Variants in CPNE4 observed in about 807,000 individuals in gnomAD.
The protein encoded by CPNE4 is copine-4.
Under a neutral mutation model 67.9 loss-of-function variants are expected in CPNE4, and 25 were observed. That is an observed-to-expected ratio of 0.37 (90% CI 0.27 to 0.51). The LOEUF (loss-of-function observed/expected upper bound fraction) is 0.51. Ranked by LOEUF, CPNE4 falls within the 20% of genes least tolerant of loss-of-function variation. The probability of loss-of-function intolerance (pLI) is 0.93; values close to 1 mark genes in which losing one functional copy is unlikely to be tolerated. For missense variants in CPNE4, 464 were observed against 690.8 expected (o/e 0.67, Z 3.68); for synonymous variants, 242 against 244.9 (o/e 0.99, Z 0.11).
At chr3:131,737,115 C>CTTTTTTT (rs71788145) in intron 2 of CPNE4, among the ~76,000 whole-genome samples, 8 of 49,398 alleles carry the variant, frequency 1.6e-4, no homozygotes, top group Admixed American at 3.0e-4. Flanking sequence ...AGTATTGTGT[C>CTTTTTTT]TTTTTTTTTT....
chr3:131,900,987 A>G (rs1417905967), intron 2 of CPNE4, among the ~76,000 whole-genome samples: 2 of 152,150 alleles, frequency 1.3e-5, no homozygotes, highest in Admixed American at 1.3e-4. Context: ...AATTGAATTA[A>G]TGGTGATTGA....
intron 2 of CPNE4, among the ~76,000 whole-genome samples, chr3:131,769,427 T>A (rs181810861): frequency 9.9e-4 from 151 of 152,216 alleles, no homozygotes; most frequent in Non-Finnish European, 1.7e-3. Context: ...GCAGACAAGA[T>A]GGCTACCAGC....
intron 6 of CPNE4, among the ~76,000 whole-genome samples, chr3:131,683,134 G>A (rs544127706): frequency 6.6e-6 from 1 of 152,152 alleles, no homozygotes; most frequent in Non-Finnish European, 1.5e-5. Context: ...CTATCTCACT[G>A]TGGCTGAGCT....
intron 2 of CPNE4, among the ~76,000 whole-genome samples, chr3:131,879,602 A>T (rs73206018): frequency 0.075 from 11,481 of 152,112 alleles, 583 homozygotes; most frequent in East Asian, 0.17. Context: ...AAAAGTTTCC[A>T]TAATTCAAAG....
At chr3:131,849,691 T>G (rs1583321244) in intron 2 of CPNE4, among the ~76,000 whole-genome samples, 1 of 152,134 alleles carries the variant, frequency 6.6e-6, no homozygotes, top group East Asian at 1.9e-4. Flanking sequence ...ATTCTTGCTC[T>G]CCGGGACTTT....
At chr3:131,659,841 A>G (rs984368535) in intron 7 of CPNE4, among the ~76,000 whole-genome samples, 1 of 152,200 alleles carries the variant, frequency 6.6e-6, no homozygotes, top group African/African-American at 2.4e-5. Context: ...GAGCCATTAT[A>G]GGTAAGGTAT....
At chr3:131,936,400 C>T (rs757240852) in intron 1 of CPNE4, among the ~76,000 whole-genome samples, 8 of 151,928 alleles carry the variant, frequency 5.3e-5, no homozygotes, top group Non-Finnish European at 1.0e-4. Flanking sequence ...GTAGCAGAAG[C>T]CCTGCTGTAC....
chr3:131,733,004 GAATT>G (rs1229989309), intron 2 of CPNE4, among the ~76,000 whole-genome samples: 2 of 152,182 alleles, frequency 1.3e-5, no homozygotes, highest in African/African-American at 4.8e-5. Context: ...TATGCACCAA[GAATT>G]ATTTAAACCA....
intron 2 of CPNE4, among the ~76,000 whole-genome samples, chr3:131,875,738 G>A (rs1033941472): frequency 6.6e-6 from 1 of 151,914 alleles, no homozygotes; most frequent in Non-Finnish European, 1.5e-5. Context: ...GTTAAATGAC[G>A]AGTGAATGGG....
chr3:131,732,777 T>C (rs2082157424), intron 2 of CPNE4, among the ~76,000 whole-genome samples: 1 of 152,226 alleles, frequency 6.6e-6, no homozygotes, highest in African/African-American at 2.4e-5. Context: ...TAAAAATGTT[T>C]CAAGATATTA....
rs576139791 is a variant in CPNE4 at position 131,600,163 on chromosome 3, A to G, written c.682-12581T>C. ...TAAGGTATCCATGCACCAAGGCAACAGCAAAGAGAGGAAATGGTGCTGGAA... is the reference window on the plus strand; with the variant it reads ...TAAGGTATCCATGCACCAAGGCAACGGCAAAGAGAGGAAATGGTGCTGGAA... On this transcript the variant is annotated intron_variant, in intron 7 of 15. Coordinates refer to ENST00000429747, the MANE Select transcript of CPNE4 (RefSeq NM_130808.3). Among the ~76,000 whole-genome samples, 11 of 152,298 alleles carry G rather than the reference A, an allele frequency of 7.2e-5. No individual in the cohort carries two copies. In the East Asian group the frequency reaches 1.7e-3, roughly 24 times the overall value.
intron 1 of CPNE4, among the ~76,000 whole-genome samples, chr3:131,908,393 G>T (rs544934958): frequency 6.6e-6 from 1 of 152,236 alleles, no homozygotes; most frequent in South Asian, 2.1e-4. Context: ...ATGGCTTTGT[G>T]TTCAGACAGG....
chr3:131,571,706 G>A (rs949894224), intron 10 of CPNE4, among the ~76,000 whole-genome samples: 4 of 151,708 alleles, frequency 2.6e-5, no homozygotes, highest in African/African-American at 7.3e-5. Context: ...TTCATCTCTC[G>A]TTCCCCCATC....
At position 131,615,919 on chromosome 3, in the gene CPNE4, ACACACACACG is replaced by A. The variant is rs1440075979; in HGVS notation, c.682-28347_682-28338del. On this transcript the variant is annotated intron_variant, in intron 7 of 15. Coordinates refer to ENST00000429747, the MANE Select transcript of CPNE4 (RefSeq NM_130808.3). ...CACACACACACACACACACACACAC[ACACACACACG>A]CACACACACACACACACACACAAAA... Among the ~76,000 whole-genome samples, 862 of 93,674 alleles carry A rather than the reference ACACACACACG, an allele frequency of 9.2e-3. 10 individuals carry two copies. Among genetic ancestry groups the A allele is most frequent in the African/African-American group, 0.068 (651 of 9,638 alleles). The allele number at this position is 93,674 out of a possible 152,430, so 61.5% of individuals were successfully genotyped here.
chr3:131,855,213 G>T (rs989841024), intron 2 of CPNE4, among the ~76,000 whole-genome samples: 1 of 151,910 alleles, frequency 6.6e-6, no homozygotes, highest in Non-Finnish European at 1.5e-5. Flanking sequence ...GGGCCCCATG[G>T]TACTCATTGC....
At chr3:131,791,817 G>A (rs182914855) in intron 2 of CPNE4, among the ~76,000 whole-genome samples, 1 of 152,212 alleles carries the variant, frequency 6.6e-6, no homozygotes, top group African/African-American at 2.4e-5. Context: ...ACACTTGCAG[G>A]ATGGAGAAAT....
At chr3:131,559,301 T>C (rs1252328348) in intron 11 of CPNE4, among the ~76,000 whole-genome samples, 1 of 152,060 alleles carries the variant, frequency 6.6e-6, no homozygotes, top group Non-Finnish European at 1.5e-5. Context: ...CACTTATTTA[T>C]AAGAACAGGT....
intron 7 of CPNE4, among the ~76,000 whole-genome samples, chr3:131,613,280 C>T (rs1357648812): frequency 6.6e-6 from 1 of 152,230 alleles, no homozygotes; most frequent in Non-Finnish European, 1.5e-5. Flanking sequence ...CATCTCATCT[C>T]TGTTTTTCAC....
At chr3:131,897,791 T>C (rs1343157935) in intron 2 of CPNE4, among the ~76,000 whole-genome samples, 2 of 151,240 alleles carry the variant, frequency 1.3e-5, no homozygotes, top group African/African-American at 4.9e-5. Flanking sequence ...AGTTGGGAGG[T>C]TGAGGTAGGA....
Sources: gnomAD v4.1 joint callset for allele counts (sites outside exome capture counted in the v4.1 genomes callset) on GRCh38, gnomAD v4.1.1 for gene constraint, MANE v1.5 for transcripts, NCBI Gene and HGNC (gene_info 2026-07-23, HGNC 2026-07-21) for gene names.